Variants in CELF2 observed in about 807,000 individuals in gnomAD.
CELF2 encodes CUG triplet repeat RNA-binding protein 2.
In CELF2, 8 loss-of-function variants were observed where a neutral mutation model predicts 62.6. The ratio of observed to expected loss-of-function variants is 0.13; its 90% CI spans 0.07 to 0.23. The LOEUF (loss-of-function observed/expected upper bound fraction) is 0.23. Among genes scored for constraint, CELF2 ranks in the 10% least tolerant of loss-of-function variants. The pLI, the probability that CELF2 is intolerant of heterozygous loss-of-function variation, is 1.00. For synonymous variants in CELF2, 258 were observed against 250.0 expected (o/e 1.03, Z -0.30); for missense variants, 333 against 671.0 (o/e 0.50, Z 5.56).
At chr10:10,688,837 C>CA in the CELF2 span, among the ~76,000 whole-genome samples, 30 of 150,354 alleles carry the variant, frequency 2.0e-4, no homozygotes, top group African/African-American at 5.4e-4. Context: ...CTGTGTATAC[C>CA]AAAAAAAAAT....
intron 2 of CELF2, among the ~76,000 whole-genome samples, chr10:11,209,062 C>T (rs909615347): frequency 1.3e-5 from 2 of 152,164 alleles, no homozygotes; most frequent in Non-Finnish European, 2.9e-5. Context: ...TGGAGGTTCT[C>T]CCTTTAGCTA....
the CELF2 span, among the ~76,000 whole-genome samples, chr10:10,487,291 G>A: frequency 6.6e-6 from 1 of 152,166 alleles, no homozygotes; most frequent in Non-Finnish European, 1.5e-5. Flanking sequence ...ATGGCCAAGT[G>A]GCCACGTCAG....
chr10:10,551,625 T>G, the CELF2 span, among the ~76,000 whole-genome samples: 1 of 152,182 alleles, frequency 6.6e-6, no homozygotes, highest in Admixed American at 6.5e-5. Context: ...GCTCTATTGA[T>G]TTTAATTCCC....
At chr10:10,724,504 A>C in the CELF2 span, among the ~76,000 whole-genome samples, 1 of 151,956 alleles carries the variant, frequency 6.6e-6, no homozygotes, top group African/African-American at 2.4e-5. Flanking sequence ...AAATACAAAA[A>C]AATTAGCCAG....
At chr10:11,189,169 A>G (rs978586676) in intron 2 of CELF2, among the ~76,000 whole-genome samples, 1 of 152,186 alleles carries the variant, frequency 6.6e-6, no homozygotes, top group African/African-American at 2.4e-5. Context: ...GACAGGCACT[A>G]TTCCAAGCCT....
the CELF2 span, among the ~76,000 whole-genome samples, chr10:10,793,080 G>A: frequency 1.3e-5 from 2 of 152,142 alleles, no homozygotes; most frequent in Non-Finnish European, 2.9e-5. Flanking sequence ...AATGCACTGG[G>A]TCTTTTGCAT....
At chr10:10,930,804 A>G (rs1410195100) in intron 2 of CELF2, among the ~76,000 whole-genome samples, 2 of 152,226 alleles carry the variant, frequency 1.3e-5, no homozygotes, top group Non-Finnish European at 2.9e-5. Context: ...ATATAATAAC[A>G]TTCTATATTA....
the CELF2 span, among the ~76,000 whole-genome samples, chr10:10,658,443 A>G: frequency 6.6e-6 from 1 of 152,192 alleles, no homozygotes; most frequent in African/African-American, 2.4e-5. Flanking sequence ...AAGCAATGTA[A>G]TGAGTATGCT....
chr10:11,319,172 G>C lies in CELF2; in HGVS notation c.1097-2017G>C, dbSNP rs1319040531. 4.4e-6 allele frequency: 2 copies of C among 459,014 alleles called. No individual in the cohort carries two copies. Among genetic ancestry groups the C allele is most frequent in the East Asian group, 1.4e-4 (2 of 14,324 alleles). The allele number at this position is 459,014 out of a possible 1,614,324, so 28.4% of individuals were successfully genotyped here. On this transcript the variant is annotated intron_variant, in intron 10 of 12. Transcript: ENST00000633077. The surrounding 1 kb of genome is among the most constrained non-coding windows in gnomAD (Gnocchi z 4.4). ...CTGCATTTCCAGAGGACTGTGCCCA[G>C]AGTGCGATCATCTGTAATCCACAGC...
chr10:10,866,699 G>A (rs938171537), intron 1 of CELF2, among the ~76,000 whole-genome samples: 1 of 150,946 alleles, frequency 6.6e-6, no homozygotes, highest in African/African-American at 2.4e-5. Flanking sequence ...GCTCACGACT[G>A]TAATTCCAAC....
chr10:10,600,252 T>C, the CELF2 span, among the ~76,000 whole-genome samples: 1 of 152,248 alleles, frequency 6.6e-6, no homozygotes, highest in African/African-American at 2.4e-5. Context: ...CAAGGTTTCA[T>C]TGAAAAGAGA....
At chr10:10,765,769 G>A in the CELF2 span, among the ~76,000 whole-genome samples, 7 of 152,174 alleles carry the variant, frequency 4.6e-5, no homozygotes, top group African/African-American at 9.6e-5. Context: ...TCTGAAGGGC[G>A]GATCCAGACC....
At position 11,297,593 on chromosome 10, in the gene CELF2, C is replaced by T. The variant is rs544951570; in HGVS notation, c.976+9041C>T. On this transcript the variant is annotated intron_variant, in intron 9 of 12. Transcript: ENST00000633077. This position sits in a 1 kb window ranked among gnomAD's most constrained non-coding sequence, Gnocchi z 4.4. ...TGGGTTCTCCCCAGACTGGCTGCTT[C>T]ACTGCAGTGGTTGACAGTTTTGCAG... Among the ~76,000 whole-genome samples, 1 of 152,260 alleles carries T rather than the reference C, an allele frequency of 6.6e-6. No homozygotes were observed. Among genetic ancestry groups the T allele is most frequent in the South Asian group, 2.1e-4 (1 of 4,822 alleles).
At position 11,075,139 on chromosome 10, in the gene CELF2, T is replaced by C. The variant is rs1451376936; in HGVS notation, c.74+56976T>C. 1 of 152,320 alleles carries C rather than the reference T, an allele frequency of 6.6e-6. No individual in the cohort carries two copies. Among genetic ancestry groups the C allele is most frequent in the Non-Finnish European group, 1.5e-5 (1 of 68,138 alleles). The allele number at this position is 152,320 out of a possible 1,614,324, so 9.4% of individuals were successfully genotyped here. On this transcript the variant is annotated intron_variant, in intron 1 of 12. Coordinates refer to ENST00000633077, the MANE Select transcript of CELF2 (RefSeq NM_001326342.2). This position sits in a 1 kb window ranked among gnomAD's most constrained non-coding sequence, Gnocchi z 5.4. ...CCTGAAAGTGAATGGTCTTGTCCCT[T>C]GTCAAGTGTGGCTTGATTGTCTTCC...
chr10:11,166,614 G>C (rs1421338728), intron 2 of CELF2, among the ~76,000 whole-genome samples: 1 of 152,178 alleles, frequency 6.6e-6, no homozygotes, highest in Non-Finnish European at 1.5e-5. Context: ...AGTCCTCTCT[G>C]TTGTTCTGCG....
chr10:11,066,238 TA>T (rs2068120764), intron 1 of CELF2, among the ~76,000 whole-genome samples: 1 of 152,176 alleles, frequency 6.6e-6, no homozygotes, highest in Admixed American at 6.5e-5. Flanking sequence ...TGATAACTAC[TA>T]TTTTTTTTTC....
At chr10:10,676,623 A>T in the CELF2 span, among the ~76,000 whole-genome samples, 1 of 152,160 alleles carries the variant, frequency 6.6e-6, no homozygotes, top group African/African-American at 2.4e-5. Flanking sequence ...CCAAGCCTCC[A>T]GTGAGTTGCC....
chr10:10,708,676 A>G, the CELF2 span, among the ~76,000 whole-genome samples: 9 of 152,328 alleles, frequency 5.9e-5, no homozygotes, highest in African/African-American at 2.2e-4. Flanking sequence ...TCTTTTTATT[A>G]ACAATAGCTC....
intron 1 of CELF2, among the ~76,000 whole-genome samples, chr10:11,064,375 C>T (rs1038738818): frequency 3.3e-5 from 5 of 152,150 alleles, no homozygotes; most frequent in African/African-American, 1.2e-4. Context: ...TTATTACAAC[C>T]AAGGAATTAT....
Sources: allele counts gnomAD v4.1 joint callset (sites outside exome capture counted in the v4.1 genomes callset), GRCh38; gene constraint gnomAD v4.1.1; non-coding constraint Gnocchi (gnomAD v3.1); transcripts MANE v1.5; gene names NCBI Gene and HGNC (gene_info 2026-07-23, HGNC 2026-07-21).